The following MYPN variants were observed in gnomAD, a reference collection of about 807,000 sequenced individuals.
The protein encoded by MYPN is sarcomeric protein myopalladin, 145 kDa (MYOP).
Under a neutral mutation model 129.4 loss-of-function variants are expected in MYPN, and 63 were observed. That is an observed-to-expected ratio of 0.49 (90% CI 0.40 to 0.60). The LOEUF (loss-of-function observed/expected upper bound fraction) is 0.60, where lower values mean the gene tolerates loss of function less well. Among genes scored for constraint, MYPN ranks in the 20% least tolerant of loss-of-function variants. The pLI is 0.00. For missense variants in MYPN, 1,596 were observed against 1,635.4 expected, an observed-to-expected ratio of 0.98 and a Z score of 0.42; for synonymous variants, 629 against 600.9, an observed-to-expected ratio of 1.05 and a Z score of -0.68.
rs1259095735 is a variant in MYPN at position 68,211,947 on chromosome 10, A to G, written c.*1492A>G. On this transcript the variant is annotated 3_prime_UTR_variant, in exon 20 of 20. Coordinates refer to ENST00000358913, the MANE Select transcript of MYPN (RefSeq NM_032578.4). Reference sequence around the variant, plus strand: ...GTGTGAACAGACAGTAACTGCTTAGAAAGGCTTGAAACTGTCTTCACTTCA... The same window carrying G: ...GTGTGAACAGACAGTAACTGCTTAGGAAGGCTTGAAACTGTCTTCACTTCA... 1 of 378,620 alleles carries G rather than the reference A, an allele frequency of 2.6e-6. No individual in the cohort carries two copies. The highest frequency in any genetic ancestry group is 5.2e-6 in the Non-Finnish European group (1 of 191,948). The allele number at this position is 378,620 out of a possible 1,614,324, so 23.5% of individuals were successfully genotyped here.
At chr10:68,112,682 T>A (rs1337486871) in intron 1 of MYPN, among the ~76,000 whole-genome samples, 2 of 152,250 alleles carry the variant, frequency 1.3e-5, no homozygotes, top group East Asian at 3.8e-4. Context: ...ATAATGTGTC[T>A]TATATGATTT....
intron 6 of MYPN, among the ~76,000 whole-genome samples, chr10:68,152,303 C>A (rs1249102760): frequency 3.9e-5 from 6 of 152,082 alleles, no homozygotes; most frequent in Non-Finnish European, 5.9e-5. Context: ...TATAATGAGG[C>A]ATGTCCCCTT....
chr10:68,164,168 T>TAAA (rs2043020345), intron 8 of MYPN, among the ~76,000 whole-genome samples: 1 of 152,186 alleles, frequency 6.6e-6, no homozygotes, highest in African/African-American at 2.4e-5. Flanking sequence ...AGAACAGGGA[T>TAAA]TTATTTCTTA....
chr10:68,206,699 GGA>G (rs1236365775), intron 18 of MYPN, 69 bp from the exon 19 acceptor site: 4 of 1,606,224 alleles, frequency 2.5e-6, no homozygotes, highest in Non-Finnish European at 3.4e-6. Flanking sequence ...CCTTCTTCCT[GGA>G]ACCCTAAATT....
At chr10:68,173,223 T>C (rs1326766668) in intron 10 of MYPN, among the ~76,000 whole-genome samples, 1 of 152,228 alleles carries the variant, frequency 6.6e-6, no homozygotes, top group Non-Finnish European at 1.5e-5. Context: ...ACATCCGGCT[T>C]CTTTGTTAAG....
At position 68,211,775 on chromosome 10, in the gene MYPN, G is replaced by A. The variant is rs1203350070; in HGVS notation, c.*1320G>A. The A allele has an allele frequency of 1.3e-5, 6 of 453,956 alleles. No individual in the cohort carries two copies. The highest frequency in any genetic ancestry group is 2.6e-5 in the Non-Finnish European group (6 of 226,794). 28.1% of individuals were successfully genotyped at this position (453,956 alleles called of 1,614,324 possible). On this transcript the variant is annotated 3_prime_UTR_variant, in exon 20 of 20. Transcript: ENST00000358913. ...GCAGGAATATGCCACCCACACACCA[G>A]TCCAAACACTGCCCTGGGAATGCTC...
intron 6 of MYPN, among the ~76,000 whole-genome samples, chr10:68,154,041 C>T (rs768253082): frequency 4.6e-5 from 7 of 152,042 alleles, no homozygotes; most frequent in Non-Finnish European, 8.8e-5. Context: ...AGGAGAGTAG[C>T]CCAGCAAAAC....
Position 68,182,426 on chromosome 10 carries a change from AAC to A in MYPN, c.2704-6475_2704-6474del, listed in dbSNP as rs1491061184. ...TAACACATATATATAACATATATAT[AAC>A]ACATATATATAACATATATATAACA... On this transcript the variant is annotated intron_variant, in intron 12 of 19. Transcript: ENST00000358913. 4.2e-3 allele frequency among the ~76,000 whole-genome samples: 292 copies of A among 69,316 alleles called. 29 individuals are homozygous for A. In the Middle Eastern group the frequency reaches 0.048, roughly 11 times the overall value. 45.5% of individuals were successfully genotyped at this position (69,316 alleles called of 152,430 possible).
chr10:68,116,653 T>A (rs1370071800), intron 1 of MYPN, among the ~76,000 whole-genome samples: 1 of 151,918 alleles, frequency 6.6e-6, no homozygotes, highest in African/African-American at 2.4e-5. Context: ...GGAGAATCGC[T>A]TGAACACGGG....
intron 13 of MYPN, 88 bp downstream of exon 13, chr10:68,189,214 TG>T: frequency 1.1e-6 from 1 of 924,622 alleles, no homozygotes; most frequent in Non-Finnish European, 1.7e-6. Context: ...ATATACGCAA[TG>T]TTTTTTCTTC....
At chr10:68,159,109 G>A (rs547240925) in intron 7 of MYPN, among the ~76,000 whole-genome samples, 1 of 151,974 alleles carries the variant, frequency 6.6e-6, no homozygotes, top group Non-Finnish European at 1.5e-5. Flanking sequence ...CTTTTTTAAG[G>A]CTTTTAAAAT....
rs2134066513 is a variant in MYPN at position 68,143,029 on chromosome 10, C to G, written c.992C>G (p.Ala331Gly). 1 of 1,614,092 alleles carries G rather than the reference C, an allele frequency of 6.2e-7. No homozygotes were observed. Among genetic ancestry groups the G allele is most frequent in the South Asian group, 1.1e-5 (1 of 91,082 alleles). Reference protein sequence around the residue: ...GNLHSLTIAEAFEEDTGRYSC... With the variant: ...GNLHSLTIAEGFEEDTGRYSC... Reference sequence around the variant, plus strand: ...CTGCACTCACTGACCATTGCGGAAGCCTTTGAAGAGGACACAGGACGCTAT... The same window carrying G: ...CTGCACTCACTGACCATTGCGGAAGGCTTTGAAGAGGACACAGGACGCTAT... Residue 331 changes from alanine (A) to glycine (G), a missense_variant, in exon 3 of 20, where the codon GCC becomes GGC. Coordinates refer to ENST00000358913, the MANE Select transcript of MYPN (RefSeq NM_032578.4).
upstream of MYPN, among the ~76,000 whole-genome samples, chr10:68,103,688 G>T (rs1017945704): frequency 6.6e-6 from 1 of 152,198 alleles, no homozygotes; most frequent in Non-Finnish European, 1.5e-5. Flanking sequence ...GGTGGCTCAT[G>T]CCTGTAATTC....
At chr10:68,092,799 T>C (rs1224579168) in intron 1 of MYPN, among the ~76,000 whole-genome samples, 3 of 152,210 alleles carry the variant, frequency 2.0e-5, no homozygotes, top group Admixed American at 2.0e-4. Flanking sequence ...GTAAATTTTC[T>C]GAAGTAAGCA....
intron 1 of MYPN, among the ~76,000 whole-genome samples, chr10:68,090,818 C>T (rs753228645): frequency 2.0e-4 from 30 of 152,102 alleles, no homozygotes; most frequent in Admixed American, 1.3e-4. Flanking sequence ...TTAAGGAAGT[C>T]CAGTTGGTTG....
chr10:68,199,929 G>A (rs1477053202), intron 17 of MYPN, among the ~76,000 whole-genome samples: 1 of 152,076 alleles, frequency 6.6e-6, no homozygotes, highest in Admixed American at 6.6e-5. Flanking sequence ...TCATGCCTTT[G>A]CACCAATGAT....
At chr10:68,163,290 G>A (rs1007213564) in intron 8 of MYPN, among the ~76,000 whole-genome samples, 1 of 149,914 alleles carries the variant, frequency 6.7e-6, no homozygotes, top group African/African-American at 2.5e-5. Flanking sequence ...GCAAGACCTT[G>A]TCTCAAAAAA....
rs1240696321 is a variant in MYPN at position 68,166,414 on chromosome 10, C to G, written c.1721C>G (p.Pro574Arg). ...GAGCCTCCATCTGTGGAACAACCCC[C>G]CAAACCCAAACTCGAGGGGGTTCTG... ...HSEPPSVEQP[P>R]KPKLEGVLVN... is the part of the protein sequence containing the mutation. Residue 574 changes from proline to arginine, a missense_variant, in exon 10 of 20, where the codon CCC (proline) becomes CGC (arginine). Transcript: ENST00000358913. The G allele has an allele frequency of 6.2e-7, 1 of 1,614,134 alleles. No homozygotes were observed. The highest frequency in any genetic ancestry group is 8.5e-7 in the Non-Finnish European group (1 of 1,180,036).
intron 7 of MYPN, 93 bp downstream of exon 7, chr10:68,158,720 AAT>A: frequency 1.1e-6 from 1 of 926,206 alleles, no homozygotes; most frequent in Non-Finnish European, 1.6e-6. Flanking sequence ...ACTAATTAAA[AAT>A]ATAGTCAAAA....
Sources: allele counts gnomAD v4.1 joint callset (sites outside exome capture counted in the v4.1 genomes callset), GRCh38; gene constraint gnomAD v4.1.1; transcripts MANE v1.5; gene names NCBI Gene and HGNC (gene_info 2026-07-23, HGNC 2026-07-21).